PCDHA4: variants seen among roughly 807,000 people sequenced by gnomAD.
The protein encoded by PCDHA4 is protocadherin alpha-4.
PCDHA4 carries 49 observed loss-of-function variants against 61.4 expected under a neutral mutation model. The observed-to-expected ratio is 0.80, with a 90% confidence interval of 0.63 to 1.01. PCDHA4 has a LOEUF of 1.01. PCDHA4 is among the 50% of genes least tolerant of loss of function. PCDHA4 has a pLI of 0.00. For missense variants in PCDHA4, 1,254 were observed against 1,235.8 expected, an observed-to-expected ratio of 1.01 and a Z score of -0.22; for synonymous variants, 590 against 550.3, an observed-to-expected ratio of 1.07 and a Z score of -1.01.
At chr5:140,882,701 T>C in intron 1 of PCDHA4, 2 of 1,614,138 alleles carry the variant, frequency 1.2e-6, no homozygotes, top group South Asian at 1.1e-5. Context: ...CATTGCAGAA[T>C]CTAGACCTCC....
intron 1 of PCDHA4, chr5:140,878,023 T>C (rs1162658024): frequency 2.6e-6 from 2 of 762,594 alleles, no homozygotes; most frequent in Non-Finnish European, 3.8e-6. Context: ...GAAGGAAATA[T>C]GTAGGTACAA....
chr5:140,893,432 C>T (rs1280374649), intron 1 of PCDHA4, among the ~76,000 whole-genome samples: 5 of 151,946 alleles, frequency 3.3e-5, no homozygotes, highest in Non-Finnish European at 7.4e-5. Flanking sequence ...GCAGGAAGAT[C>T]GCTTGAAGCC....
chr5:140,975,763 C>A (rs2096681691), intron 1 of PCDHA4, among the ~76,000 whole-genome samples: 1 of 152,140 alleles, frequency 6.6e-6, no homozygotes, highest in Non-Finnish European at 1.5e-5. Context: ...TGTCATAAAT[C>A]ACAGATAATA....
At chr5:140,986,458 A>G (rs1199378141) in intron 3 of PCDHA4, among the ~76,000 whole-genome samples, 1 of 152,166 alleles carries the variant, frequency 6.6e-6, no homozygotes, top group Admixed American at 6.5e-5. Flanking sequence ...GTTTTAATGA[A>G]TGCCCTCTTG....
chr5:140,877,089 C>T (rs782771217), intron 1 of PCDHA4: 4 of 1,613,082 alleles, frequency 2.5e-6, no homozygotes, highest in African/African-American at 1.3e-5. Flanking sequence ...GCGCGCGCGA[C>T]GCCGGCGTGC....
Position 141,009,935 on chromosome 5 carries a change from T to TGAG in PCDHA4, c.2844_*2dup. Reference sequence around the variant, plus strand: ...CAGCACGACTGACAACAGTGACCAGTGAGGTCCTCAAATGGAAACAAGCCA... The same window carrying TGAG: ...CAGCACGACTGACAACAGTGACCAGTGAGGAGGTCCTCAAATGGAAACAAGCCA... On this transcript the variant is annotated inframe_insertion and stop_retained_variant, in exon 4 of 4. Transcript: ENST00000530339. 6.2e-7 allele frequency: 1 copy of TGAG among 1,602,418 alleles called. No individual in the cohort carries two copies. The highest frequency in any genetic ancestry group is 8.5e-7 in the Non-Finnish European group (1 of 1,176,054).
intron 1 of PCDHA4, chr5:140,849,764 G>C (rs2041112931): frequency 6.3e-6 from 10 of 1,598,402 alleles, no homozygotes; most frequent in Non-Finnish European, 8.6e-6. Context: ...CCTACGAGCT[G>C]GTGGTTACCG....
chr5:140,930,997 A>G (rs1355351475), intron 1 of PCDHA4, among the ~76,000 whole-genome samples: 3 of 152,198 alleles, frequency 2.0e-5, no homozygotes, highest in Admixed American at 1.3e-4. Context: ...GACCTACACT[A>G]ATAACATAAC....
chr5:140,829,809 C>T lies in PCDHA4; in HGVS notation c.2385+20237C>T, dbSNP rs139323547. The stretch of plus-strand genomic sequence containing the variant: ...CTGCTGGCGCCTCGGGTGGGTGGTA[C>T]TGGTGGTGCAGTGAGCGAGCTGGTG... On this transcript the variant is annotated intron_variant, in intron 1 of 3. Coordinates refer to ENST00000530339, the MANE Select transcript of PCDHA4 (RefSeq NM_018907.4). The T allele has an allele frequency of 1.0e-3, 1,632 of 1,613,854 alleles. 19 individuals are homozygous for T. The African/African-American group carries it at 0.019, about 19-fold the overall frequency.
intron 1 of PCDHA4, 159 bp from the exon 2 acceptor site, chr5:140,978,790 T>C (rs2096823347): frequency 3.1e-6 from 3 of 975,976 alleles, no homozygotes; most frequent in Non-Finnish European, 3.7e-6. Flanking sequence ...TAAAGTGCTA[T>C]ATATGTAGAT....
At chr5:140,920,841 T>TAAAAA (rs781921146) in intron 1 of PCDHA4, among the ~76,000 whole-genome samples, 2 of 109,230 alleles carry the variant, frequency 1.8e-5, no homozygotes, top group Non-Finnish European at 1.9e-5. Flanking sequence ...AGACCAAATC[T>TAAAAA]AAAAAAAAAA....
chr5:140,889,329 T>C (rs1554183865), intron 1 of PCDHA4, among the ~76,000 whole-genome samples: 2 of 152,090 alleles, frequency 1.3e-5, no homozygotes, highest in Admixed American at 6.5e-5. Context: ...GTATCAGGAT[T>C]TTGATTGGTG....
intron 1 of PCDHA4, chr5:140,870,378 T>C (rs782676295): frequency 1.9e-6 from 3 of 1,614,036 alleles, no homozygotes; most frequent in African/African-American, 1.3e-5. Flanking sequence ...TGGTGGTGAC[T>C]GCGCGGGATG....
intron 1 of PCDHA4, chr5:140,835,737 G>A: frequency 6.2e-7 from 1 of 1,613,716 alleles, no homozygotes; most frequent in Non-Finnish European, 8.5e-7. Flanking sequence ...GAACGACAAC[G>A]CCCCGGCGTT....
chr5:140,993,462 TCACACACACACACACACACACACA>T (rs3836747), intron 3 of PCDHA4, among the ~76,000 whole-genome samples: 3 of 140,938 alleles, frequency 2.1e-5, no homozygotes, highest in African/African-American at 5.3e-5. Flanking sequence ...TCTTTCTTTC[TCACACACACACACACACACACACA>T]CACACACACA....
At chr5:140,848,429 G>T (rs1781516011) in intron 1 of PCDHA4, 1 of 1,456,608 alleles carries the variant, frequency 6.9e-7, no homozygotes, top group Admixed American at 1.9e-5. Flanking sequence ...TGGGACTGAC[G>T]AAATCAGATG....
At position 140,853,837 on chromosome 5, in the gene PCDHA4, T is replaced by C. The variant is rs1554146872; in HGVS notation, c.2385+44265T>C. 17 of 986,750 alleles carry C rather than the reference T, an allele frequency of 1.7e-5. 2 individuals are homozygous for C. The highest frequency in any genetic ancestry group is 1.8e-5 in the Non-Finnish European group (15 of 818,856). The allele number at this position is 986,750 out of a possible 1,614,324, so 61.1% of individuals were successfully genotyped here. A position where few individuals can be genotyped will look rare whatever the true frequency, so the allele number is the denominator to read the frequency against. On this transcript the variant is annotated intron_variant, in intron 1 of 3. Transcript: ENST00000530339. ...GATGATTCTCATACAACCGAAATTT[T>C]AGATCCATAGCCCTATTTGATACTT... is the stretch of plus-strand genomic sequence containing the variant.
chr5:140,967,140 C>T (rs781814682), intron 1 of PCDHA4: 4 of 1,611,022 alleles, frequency 2.5e-6, no homozygotes, highest in East Asian at 2.2e-5. Flanking sequence ...GAAGTGCTGG[C>T]GCACAACCCC....
chr5:140,884,556 GC>G, intron 1 of PCDHA4: 2 of 1,614,154 alleles, frequency 1.2e-6, no homozygotes, highest in Non-Finnish European at 1.7e-6. Flanking sequence ...TCTGGGGAGG[GC>G]CCGCATAAGA....
Sources: gnomAD v4.1 joint callset for allele counts (sites outside exome capture counted in the v4.1 genomes callset) on GRCh38, gnomAD v4.1.1 for gene constraint, MANE v1.5 for transcripts, NCBI Gene and HGNC (gene_info 2026-07-23, HGNC 2026-07-21) for gene names.